Variants in CPNE4 observed in about 807,000 individuals in gnomAD.
CPNE4 encodes the protein copine 4.
CPNE4 carries 25 observed loss-of-function variants against 67.9 expected under a neutral mutation model. The ratio of observed to expected loss-of-function variants is 0.37; its 90% CI spans 0.27 to 0.51. The LOEUF is 0.51. Ranked by LOEUF, CPNE4 falls within the 20% of genes least tolerant of loss-of-function variation. The pLI is 0.93. For synonymous variants in CPNE4, 242 were observed against 244.9 expected (o/e 0.99, Z 0.11); for missense variants, 464 against 690.8 (o/e 0.67, Z 3.68).
At chr3:131,758,517 C>T (rs557048219) in intron 2 of CPNE4, among the ~76,000 whole-genome samples, 59 of 152,144 alleles carry the variant, frequency 3.9e-4, no homozygotes, top group East Asian at 7.7e-4. Context: ...GGCTCATAGG[C>T]GGAAGGGACT....
At chr3:131,732,112 G>A (rs1461470067) in intron 2 of CPNE4, among the ~76,000 whole-genome samples, 1 of 152,052 alleles carries the variant, frequency 6.6e-6, no homozygotes, top group Admixed American at 6.6e-5. Context: ...CAGGAACCAG[G>A]GCTAGTGTGT....
At chr3:131,879,689 G>C (rs1157274873) in intron 2 of CPNE4, among the ~76,000 whole-genome samples, 1 of 152,130 alleles carries the variant, frequency 6.6e-6, no homozygotes, top group Non-Finnish European at 1.5e-5. Flanking sequence ...ATTATCTTCT[G>C]GGTGTATGGC....
chr3:131,797,156 C>T (rs776446684), intron 2 of CPNE4, among the ~76,000 whole-genome samples: 21 of 152,108 alleles, frequency 1.4e-4, no homozygotes, highest in Admixed American at 1.0e-3. Flanking sequence ...TCTTTCTTGG[C>T]GTTTTTTATT....
At chr3:131,609,304 C>T (rs1207260982) in intron 7 of CPNE4, among the ~76,000 whole-genome samples, 1 of 152,152 alleles carries the variant, frequency 6.6e-6, no homozygotes, top group Non-Finnish European at 1.5e-5. Flanking sequence ...TAGCTATCCA[C>T]CAAATATTTG....
In CPNE4 at chr3:131,739,275, G is replaced by A. The variant is rs148036510; in HGVS notation, c.181-15650C>T. Among the ~76,000 whole-genome samples, 446 of 152,120 alleles carry A rather than the reference G, an allele frequency of 2.9e-3. 1 individual carries two copies. The highest frequency in any genetic ancestry group is 0.01 in the African/African-American group (417 of 41,480). ...GCCATTCCCCTGCCCTAATCACCAG[G>A]TACAGCTAGAGACAGTTCTTCTGCC... On this transcript the variant is annotated intron_variant, in intron 2 of 15. Coordinates refer to ENST00000429747, the MANE Select transcript of CPNE4 (RefSeq NM_130808.3).
At chr3:131,780,112 A>T (rs1480039087) in intron 2 of CPNE4, among the ~76,000 whole-genome samples, 2 of 152,182 alleles carry the variant, frequency 1.3e-5, no homozygotes, top group Non-Finnish European at 2.9e-5. Context: ...GGGGAATGCA[A>T]ATCAAAAACA....
At chr3:131,938,333 C>T (rs1246674321) in intron 1 of CPNE4, among the ~76,000 whole-genome samples, 2 of 150,072 alleles carry the variant, frequency 1.3e-5, no homozygotes, top group Admixed American at 6.7e-5. Flanking sequence ...CTCCAGCCTG[C>T]GTGACAGAGT....
intron 2 of CPNE4, among the ~76,000 whole-genome samples, chr3:131,880,582 T>C (rs941848091): frequency 1.3e-5 from 2 of 152,198 alleles, no homozygotes; most frequent in Non-Finnish European, 2.9e-5. Flanking sequence ...GCCAGATCCC[T>C]TGTGAAAACT....
At chr3:132,017,629 C>A (rs1034804078) in intron 1 of CPNE4, 3 of 152,284 alleles carry the variant, frequency 2.0e-5, no homozygotes, top group Admixed American at 2.0e-4. Flanking sequence ...CCAGCAAACA[C>A]CATCTCCTGA....
intron 2 of CPNE4, among the ~76,000 whole-genome samples, chr3:131,727,498 A>G (rs1427783791): frequency 1.3e-5 from 2 of 152,174 alleles, no homozygotes; most frequent in African/African-American, 4.8e-5. Flanking sequence ...AACATTTTTC[A>G]GTCTAATAAT....
chr3:131,842,316 A>G (rs1413538056), intron 2 of CPNE4, among the ~76,000 whole-genome samples: 1 of 152,220 alleles, frequency 6.6e-6, no homozygotes, highest in African/African-American at 2.4e-5. Flanking sequence ...AATCATCAGC[A>G]GGTTCTAGAG....
At chr3:131,631,897 C>CT (rs72379879) in intron 7 of CPNE4, among the ~76,000 whole-genome samples, 5,619 of 144,408 alleles carry the variant, frequency 0.039, 479 homozygotes, top group African/African-American at 0.14. Context: ...ACACTTTTTT[C>CT]TTTTTTCTTT....
intron 1 of CPNE4, among the ~76,000 whole-genome samples, chr3:131,968,967 C>T (rs996637374): frequency 6.9e-6 from 1 of 145,386 alleles, no homozygotes; most frequent in African/African-American, 2.4e-5. Context: ...AAATGCCCAT[C>T]GATGATAGAC....
At chr3:131,682,637 G>A (rs1250143793) in intron 6 of CPNE4, among the ~76,000 whole-genome samples, 1 of 151,940 alleles carries the variant, frequency 6.6e-6, no homozygotes, top group Non-Finnish European at 1.5e-5. Flanking sequence ...AACCGTGCTT[G>A]GCTACTACCT....
intron 2 of CPNE4, among the ~76,000 whole-genome samples, chr3:131,815,413 C>A (rs773415690): frequency 6.6e-6 from 1 of 152,202 alleles, no homozygotes; most frequent in Non-Finnish European, 1.5e-5. Context: ...CGCATTCACA[C>A]ACAAGATTTA....
chr3:131,617,727 A>T (rs1940241583), intron 7 of CPNE4, among the ~76,000 whole-genome samples: 2 of 152,168 alleles, frequency 1.3e-5, no homozygotes, highest in Admixed American at 6.5e-5. Flanking sequence ...TCCTCAAATT[A>T]AGTCATAATT....
chr3:131,876,012 C>A (rs1482967252), intron 2 of CPNE4, among the ~76,000 whole-genome samples: 2 of 152,056 alleles, frequency 1.3e-5, no homozygotes, highest in African/African-American at 4.8e-5. Flanking sequence ...AATGAGCCAT[C>A]TTTCTAGAGG....
chr3:131,701,225 C>G (rs7623538), intron 3 of CPNE4, among the ~76,000 whole-genome samples: 34,393 of 151,572 alleles, frequency 0.23, 4,592 homozygotes, highest in South Asian at 0.31. Flanking sequence ...CACATGTACC[C>G]TAGAACTTAA....
chr3:131,757,580 AG>A (rs1391201713), intron 2 of CPNE4, among the ~76,000 whole-genome samples: 1 of 152,242 alleles, frequency 6.6e-6, no homozygotes, highest in Non-Finnish European at 1.5e-5. Flanking sequence ...ACAGTGCAAT[AG>A]AAAAGAAAAT....
Sources: allele counts gnomAD v4.1 joint callset (sites outside exome capture counted in the v4.1 genomes callset), GRCh38; gene constraint gnomAD v4.1.1; transcripts MANE v1.5; gene names NCBI Gene and HGNC (gene_info 2026-07-23, HGNC 2026-07-21).